ITIH1: variants seen among roughly 807,000 people sequenced by gnomAD.
ITIH1 encodes inter-alpha-trypsin inhibitor heavy chain 1.
A neutral mutation model predicts 104.6 loss-of-function variants in ITIH1; 94 were observed. That is an observed-to-expected ratio of 0.90 (90% CI 0.76 to 1.07). The LOEUF (loss-of-function observed/expected upper bound fraction) is 1.07, where lower values mean the gene tolerates loss of function less well. Among genes scored for constraint, ITIH1 ranks in the 50% least tolerant of loss-of-function variants. ITIH1 has a pLI of 0.00. For synonymous variants in ITIH1, 455 were observed against 464.4 expected (o/e 0.98, Z 0.26); for missense variants, 1,193 against 1,181.4 (o/e 1.01, Z -0.14).
Position 52,778,021 on chromosome 3 carries a change from A to T in ITIH1, c.138+4A>T, listed in dbSNP as rs371557548. On this transcript the variant is annotated splice_donor_region_variant and intron_variant, in intron 2 of 21. Transcript: ENST00000273283. ...GAAGCGACAGGCTGTGGACACCGTG[A>T]GTAAGAGTCCTGGCAAAGGGGTCTG... 155 of 1,614,072 alleles carry T rather than the reference A, an allele frequency of 9.6e-5. No individual in the cohort carries two copies. Among genetic ancestry groups the T allele is most frequent in the Middle Eastern group, 6.6e-4 (4 of 6,082 alleles).
rs1174786916 is a variant in ITIH1 at position 52,781,206 on chromosome 3, TTTTTCTTCTTCTTCTTCTTCTTC to T, written c.688-731_688-709del. 2.9e-3 allele frequency among the ~76,000 whole-genome samples: 216 copies of T among 74,524 alleles called. 8 individuals are homozygous for T. Among genetic ancestry groups the T allele is most frequent in the South Asian group, 5.7e-3 (18 of 3,142 alleles). The allele number at this position is 74,524 out of a possible 152,430, so 48.9% of individuals were successfully genotyped here. A position where few individuals can be genotyped will look rare whatever the true frequency, so the allele number is the denominator to read the frequency against. On this transcript the variant is annotated intron_variant, in intron 6 of 21. Transcript: ENST00000273283. ...TTCACCTCCTCCTCTTCTTTTTTTT[TTTTTCTTCTTCTTCTTCTTCTTC>T]TTCTTCTTCTTCTTCTTCTTCTTCT...
Position 52,790,853 on chromosome 3 carries a change from A to C in ITIH1, c.2426A>C (p.His809Pro). 4.3e-6 allele frequency: 7 copies of C among 1,612,830 alleles called. No individual in the cohort carries two copies. Among genetic ancestry groups the C allele is most frequent in the Non-Finnish European group, 5.9e-6 (7 of 1,179,474 alleles). Residue 809 changes from histidine (H) to proline (P), a missense_variant, in exon 20 of 22, where the codon CAC becomes CCC. Coordinates refer to ENST00000273283, the MANE Select transcript of ITIH1 (RefSeq NM_002215.4). ...CGAGTGTGGAAGGGGAGCTCGGTCC[A>C]CCAGGACTTCCTGGGCTTCTATGTG... ...LHRVWKGSSV[H>P]QDFLGFYVLD... is the part of the protein sequence containing the mutation.
chr3:52,780,113 G>A, intron 5 of ITIH1, 156 bp from the exon 6 acceptor site: 1 of 916,724 alleles, frequency 1.1e-6, no homozygotes, highest in Non-Finnish European at 1.6e-6. Flanking sequence ...AGCCCTGGTA[G>A]AGAATTTGCT....
chr3:52,789,335 A>G (rs1036473951), intron 18 of ITIH1, among the ~76,000 whole-genome samples: 3 of 152,032 alleles, frequency 2.0e-5, no homozygotes, highest in African/African-American at 7.2e-5. Flanking sequence ...TTCCAGCACA[A>G]TGGGAGCCTG....
chr3:52,789,794 A>T lies in ITIH1; in HGVS notation c.2261A>T (p.Asn754Ile). 1 of 1,614,086 alleles carries T rather than the reference A, an allele frequency of 6.2e-7. No individual in the cohort carries two copies. Among genetic ancestry groups the T allele is most frequent in the Non-Finnish European group, 8.5e-7 (1 of 1,180,016 alleles). ...LEVTPQNITL[N>I]PGFGGPVFSW... ...GTGACTCCTCAGAACATTACGCTGA[A>T]CCCCGGCTTTGGTGGGCCTGTGTTT... Residue 754 changes from asparagine (N) to isoleucine (I), a missense_variant, in exon 19 of 22, where the codon AAC becomes ATC. Transcript: ENST00000273283.
At chr3:52,780,073 C>A in intron 5 of ITIH1, 196 bp from the exon 6 acceptor site, 1 of 1,045,696 alleles carries the variant, frequency 9.6e-7, no homozygotes. Flanking sequence ...AGGACACATG[C>A]TGGCTCTTGG....
chr3:52,788,367 T>C (rs1421170825), intron 18 of ITIH1, 22 bp downstream of exon 18: 14 of 1,461,964 alleles, frequency 9.6e-6, no homozygotes, highest in Admixed American at 1.9e-5. Context: ...ATCACACCTC[T>C]GCCAGACAGG....
At chr3:52,788,105 G>A (rs753433438) in intron 17 of ITIH1, 39 bp downstream of exon 17, 1 of 1,558,532 alleles carries the variant, frequency 6.4e-7, no homozygotes, top group Non-Finnish European at 8.8e-7. Flanking sequence ...CCCCTGTTTG[G>A]GACCCACCCT....
At chr3:52,788,400 C>A in intron 18 of ITIH1, 55 bp downstream of exon 18, 1 of 1,170,220 alleles carries the variant, frequency 8.5e-7, no homozygotes, top group Non-Finnish European at 1.3e-6. Context: ...CTGCCCTCAA[C>A]ATTCAGCCAG....
Position 52,791,633 on chromosome 3 carries a change from G to C in ITIH1, c.2606+5G>C. 1 of 1,612,976 alleles carries C rather than the reference G, an allele frequency of 6.2e-7. No individual in the cohort carries two copies. Among genetic ancestry groups the C allele is most frequent in the African/African-American group, 1.3e-5 (1 of 75,042 alleles). On this transcript the variant is annotated splice_donor_5th_base_variant and intron_variant, in intron 21 of 21. Transcript: ENST00000273283. ...CCGCCGGCTCACGGTCACCAGGTGGGTGGGCTGCTTGCCCAGCACGTCTGC... is the reference window on the plus strand; with the variant it reads ...CCGCCGGCTCACGGTCACCAGGTGGCTGGGCTGCTTGCCCAGCACGTCTGC...
rs749748635 is a variant in ITIH1 at position 52,784,376 on chromosome 3, G to A, written c.1306G>A (p.Gly436Ser). The A allele has an allele frequency of 3.3e-5, 53 of 1,614,006 alleles. No homozygotes were observed. Among genetic ancestry groups the A allele is most frequent in the Non-Finnish European group, 3.7e-5 (44 of 1,180,020 alleles). ...GTTCCCGCTCTACAACCTGGGTTTC[G>A]GCCACAATGTGGACTTTAACTTTCT... is the stretch of plus-strand genomic sequence containing the variant. ...GRFPLYNLGF[G>S]HNVDFNFLEV... is the part of the protein sequence containing the mutation. Residue 436 changes from glycine to serine, a missense_variant, in exon 11 of 22, where the codon GGC (glycine) becomes AGC (serine). Gly to Ser is a moderately conservative substitution (Grantham distance 56). Coordinates refer to ENST00000273283, the MANE Select transcript of ITIH1 (RefSeq NM_002215.4).
chr3:52,784,062 A>G (rs1453534144), intron 10 of ITIH1, among the ~76,000 whole-genome samples: 2 of 152,180 alleles, frequency 1.3e-5, no homozygotes, highest in Non-Finnish European at 2.9e-5. Flanking sequence ...TTCGAGCAGA[A>G]TCAGACCTGC....
At chr3:52,782,118 G>T in intron 7 of ITIH1, 33 bp from the exon 8 acceptor site, 1 of 1,614,138 alleles carries the variant, frequency 6.2e-7, no homozygotes, top group Non-Finnish European at 8.5e-7. Flanking sequence ...GGGGTGCTGT[G>T]AGAGTGGCCT....
chr3:52,779,194 A>G lies in ITIH1; in HGVS notation c.410+148A>G, dbSNP rs1698978007. 2.7e-6 allele frequency: 2 copies of G among 741,622 alleles called. No individual in the cohort carries two copies. Among genetic ancestry groups the G allele is most frequent in the Admixed American group, 4.2e-5 (2 of 47,084 alleles). The allele number at this position is 741,622 out of a possible 1,614,324, so 45.9% of individuals were successfully genotyped here. A position where few individuals can be genotyped will look rare whatever the true frequency, so the allele number is the denominator to read the frequency against. ...CCAAACCCAGATGCCAGCACGGTGC[A>G]CTGAACAGGCTGCCGTGCAGTTGCC... On this transcript the variant is annotated intron_variant, in intron 4 of 21. Coordinates refer to ENST00000273283, the MANE Select transcript of ITIH1 (RefSeq NM_002215.4). This position sits in a 1 kb window ranked among gnomAD's most constrained non-coding sequence, Gnocchi z 4.4.
At chr3:52,780,178 C>T (rs907738822) in intron 5 of ITIH1, 91 bp from the exon 6 acceptor site, 24 of 1,089,550 alleles carry the variant, frequency 2.2e-5, no homozygotes, top group South Asian at 4.5e-5. Flanking sequence ...GGCAGGAGGA[C>T]GGCTTGAGCC....
intron 15 of ITIH1, 97 bp from the exon 16 acceptor site, chr3:52,787,495 G>A (rs1255458156): frequency 2.3e-5 from 33 of 1,457,548 alleles, no homozygotes; most frequent in Middle Eastern, 1.8e-4. Context: ...CCAGAGGGAC[G>A]GCTGGGCCCA....
chr3:52,790,374 G>C (rs1478361809), intron 19 of ITIH1: 2 of 287,872 alleles, frequency 6.9e-6, no homozygotes. Context: ...GGAGGTCACA[G>C]GTGATGAGTG....
chr3:52,779,763 T>G lies in ITIH1; in HGVS notation c.573+169T>G. 1.9e-6 allele frequency: 2 copies of G among 1,043,834 alleles called. No homozygotes were observed. Among genetic ancestry groups the G allele is most frequent in the Non-Finnish European group, 2.8e-6 (2 of 718,762 alleles). 64.7% of individuals were successfully genotyped at this position (1,043,834 alleles called of 1,614,324 possible). A position where few individuals can be genotyped will look rare whatever the true frequency, so the allele number is the denominator to read the frequency against. ...TGCTCTTCTTGGGCAGGGAACTCCC[T>G]GAATTCTCTAACTTCCTCTTTATCT... On this transcript the variant is annotated intron_variant, in intron 5 of 21. Transcript: ENST00000273283. The surrounding 1 kb of genome is among the most constrained non-coding windows in gnomAD (Gnocchi z 4.4).
At chr3:52,780,436 GC>G in intron 6 of ITIH1, 54 bp downstream of exon 6, 1 of 1,232,560 alleles carries the variant, frequency 8.1e-7, no homozygotes, top group Non-Finnish European at 1.2e-6. Context: ...TTCTCAGCCT[GC>G]CCACCCCTTA....
Sources: gnomAD v4.1 joint callset for allele counts (sites outside exome capture counted in the v4.1 genomes callset) on GRCh38, gnomAD v4.1.1 for gene constraint, Gnocchi (gnomAD v3.1) non-coding constraint, MANE v1.5 for transcripts, NCBI Gene and HGNC (gene_info 2026-07-23, HGNC 2026-07-21) for gene names.